Variants in CCNH observed in about 807,000 individuals in gnomAD.
CCNH encodes cyclin H, also known as cyclin-H.
CCNH carries 31 observed loss-of-function variants against 41.9 expected under a neutral mutation model. That is an observed-to-expected ratio of 0.74 (90% CI 0.56 to 1.00). The LOEUF is 1.00. Ranked by LOEUF, CCNH falls within the 50% of genes least tolerant of loss-of-function variation. CCNH has a pLI of 0.00. For missense variants in CCNH, 362 were observed against 388.4 expected, an observed-to-expected ratio of 0.93 and a Z score of 0.57; for synonymous variants, 138 against 136.1, an observed-to-expected ratio of 1.01 and a Z score of -0.10.
chr5:87,392,009 G>C, downstream of CCNH: 2 of 286,122 alleles, frequency 7.0e-6, no homozygotes, highest in Non-Finnish European at 1.4e-5. Flanking sequence ...ATCAGAGCAA[G>C]GCCCAGGGAG....
At chr5:87,343,514 A>G (rs1436788751) in intron 9 of CCNH, among the ~76,000 whole-genome samples, 3 of 152,160 alleles carry the variant, frequency 2.0e-5, no homozygotes, top group African/African-American at 7.2e-5. Flanking sequence ...CAAAACTACA[A>G]TGAGATTTCA....
At chr5:87,386,752 A>C, downstream of CCNH, 1 of 1,323,964 alleles carries the variant, frequency 7.6e-7, no homozygotes, top group Non-Finnish European at 1.1e-6. Context: ...AACTGTAATT[A>C]CTTTTGCACC....
At chr5:87,378,262 C>A, upstream of CCNH, 1 of 978,300 alleles carries the variant, frequency 1.0e-6, no homozygotes, top group Non-Finnish European at 1.6e-6. Context: ...GTAATTAGTA[C>A]TTTCAACGCT....
chr5:87,396,109 A>T (rs1172127350), intron 7 of CCNH, among the ~76,000 whole-genome samples: 1 of 151,044 alleles, frequency 6.6e-6, no homozygotes, highest in Non-Finnish European at 1.5e-5. Flanking sequence ...CCTCAAGAAT[A>T]CAGTATAACT....
At chr5:87,372,942 C>T (rs1403862248), downstream of CCNH, among the ~76,000 whole-genome samples, 4 of 152,112 alleles carry the variant, frequency 2.6e-5, no homozygotes, top group African/African-American at 4.8e-5. Context: ...TAAATAGTCC[C>T]TGTAACCCAA....
chr5:87,365,119 G>C (rs1760408321), intron 9 of CCNH, among the ~76,000 whole-genome samples: 2 of 152,152 alleles, frequency 1.3e-5, no homozygotes, highest in Admixed American at 6.5e-5. Flanking sequence ...GATTCTTGGA[G>C]GATGGGTATG....
At chr5:87,322,833 C>A in intron 9 of CCNH, among the ~76,000 whole-genome samples, 1 of 152,110 alleles carries the variant, frequency 6.6e-6, no homozygotes, top group Non-Finnish European at 1.5e-5. Flanking sequence ...AATAACACCA[C>A]AAGAAGGAAT....
At chr5:87,343,060 G>A (rs969169512) in intron 9 of CCNH, among the ~76,000 whole-genome samples, 3 of 152,042 alleles carry the variant, frequency 2.0e-5, no homozygotes, top group Non-Finnish European at 2.9e-5. Flanking sequence ...TTTATTTTAT[G>A]TGTATGTTTG....
intron 6 of CCNH, among the ~76,000 whole-genome samples, chr5:87,401,130 A>G (rs1055991028): frequency 6.6e-6 from 1 of 152,246 alleles, no homozygotes; most frequent in Non-Finnish European, 1.5e-5. Flanking sequence ...TTAAGGTGCT[A>G]GAAGGGCCAT....
chr5:87,374,983 G>A (rs1014510383), downstream of CCNH: 2 of 1,532,750 alleles, frequency 1.3e-6, no homozygotes, highest in Non-Finnish European at 1.7e-6. Context: ...AATTCACAAT[G>A]AAAGTCTTAA....
chr5:87,394,189 T>TA, downstream of CCNH: 1 of 1,058,158 alleles, frequency 9.5e-7, no homozygotes, highest in Non-Finnish European at 1.2e-6. Context: ...ATATTTTGCT[T>TA]AAAAAATTAG....
intron 9 of CCNH, among the ~76,000 whole-genome samples, chr5:87,328,250 T>C (rs1757374179): frequency 6.6e-6 from 1 of 152,174 alleles, no homozygotes; most frequent in Non-Finnish European, 1.5e-5. Context: ...CATGTTACAC[T>C]CAGAGTATTC....
intron 7 of CCNH, among the ~76,000 whole-genome samples, chr5:87,396,016 G>C (rs1449305011): frequency 1.3e-5 from 2 of 151,664 alleles, no homozygotes; most frequent in African/African-American, 2.4e-5. Flanking sequence ...TTCCACATCT[G>C]TGGACTAAAC....
At chr5:87,332,768 C>G (rs148945759) in intron 9 of CCNH, 2 of 984,118 alleles carry the variant, frequency 2.0e-6, no homozygotes, top group Non-Finnish European at 2.9e-6. Context: ...AATTTTAATT[C>G]GGGTTATAAT....
chr5:87,323,719 T>A (rs1469036537), intron 9 of CCNH, among the ~76,000 whole-genome samples: 1 of 149,014 alleles, frequency 6.7e-6, no homozygotes, highest in Non-Finnish European at 1.5e-5. Context: ...AGTCAATTCT[T>A]TTTTTTTTTG....
chr5:87,350,681 T>C (rs928618945), intron 9 of CCNH, among the ~76,000 whole-genome samples: 1 of 151,338 alleles, frequency 6.6e-6, no homozygotes, highest in African/African-American at 2.4e-5. Context: ...TAGATTTCTG[T>C]CCAAATTATT....
intron 9 of CCNH, among the ~76,000 whole-genome samples, chr5:87,335,027 C>T (rs568067294): frequency 3.7e-4 from 56 of 152,162 alleles, no homozygotes; most frequent in African/African-American, 1.2e-3. Flanking sequence ...GAATTACAGG[C>T]GTGTGTCACC....
At chr5:87,323,756 T>A (rs999535571) in intron 9 of CCNH, among the ~76,000 whole-genome samples, 1 of 152,184 alleles carries the variant, frequency 6.6e-6, no homozygotes, top group South Asian at 2.1e-4. Flanking sequence ...CTGCCTGTTA[T>A]ATTTTTCTCA....
chr5:87,336,563 A>G (rs978416147), intron 9 of CCNH, among the ~76,000 whole-genome samples: 2 of 152,124 alleles, frequency 1.3e-5, no homozygotes, highest in Admixed American at 6.5e-5. Context: ...ATATAGAATG[A>G]GTTATGATTA....
Sources: allele counts gnomAD v4.1 joint callset (sites outside exome capture counted in the v4.1 genomes callset), GRCh38; gene constraint gnomAD v4.1.1; transcripts MANE v1.5; gene names NCBI Gene and HGNC (gene_info 2026-07-23, HGNC 2026-07-21).